The following ITGB2 variants were observed in gnomAD, a reference collection of about 807,000 sequenced individuals.
The protein encoded by ITGB2 is integrin beta-2.
ITGB2 carries 56 observed loss-of-function variants against 86.8 expected under a neutral mutation model. That is an observed-to-expected ratio of 0.65 (90% CI 0.52 to 0.81). The LOEUF (loss-of-function observed/expected upper bound fraction) is 0.81. Ranked by LOEUF, ITGB2 falls within the 30% of genes least tolerant of loss-of-function variation. ITGB2 has a pLI of 0.00. For missense variants in ITGB2, 948 were observed against 1,061.2 expected (o/e 0.89, Z 1.48); for synonymous variants, 457 against 450.4 (o/e 1.01, Z -0.19).
intron 1 of ITGB2, 59 bp downstream of exon 1, chr21:44,920,762 C>T: frequency 6.6e-6 from 1 of 152,562 alleles, no homozygotes; most frequent in South Asian, 2.1e-4. Context: ...CAGGCTGGGG[C>T]AGGAGAGTGC....
Position 44,910,501 on chromosome 21 carries a change from A to G in ITGB2, c.59-129T>C, listed in dbSNP as rs1387609015. On this transcript the variant is annotated intron_variant, in intron 2 of 15. Transcript: ENST00000652462. ...GGCAGCCTCCAGGAGGAGACCCCGC[A>G]TTCGCCACCACCCCCAGGTGCAAAG... 15 of 1,543,468 alleles carry G rather than the reference A, an allele frequency of 9.7e-6. No individual in the cohort carries two copies. The East Asian group carries it at 3.1e-4, about 32-fold the overall frequency.
intron 1 of ITGB2, chr21:44,928,495 G>A (rs1016134626): frequency 1.7e-4 from 26 of 152,584 alleles, no homozygotes; most frequent in African/African-American, 5.8e-4. Context: ...GGGAGATAAT[G>A]CCCTCATCTA....
chr21:44,894,621 G>C, intron 9 of ITGB2: 1 of 369,844 alleles, frequency 2.7e-6, no homozygotes, highest in Non-Finnish European at 5.2e-6. Context: ...CCACTGTGGG[G>C]GTTTCCTGTG....
Position 44,886,320 on chromosome 21 carries a change from TG to T in ITGB2, c.*47del. Reference sequence around the variant, plus strand: ...GGCAAGCCATGTCTCGGCCGCGTGATGGGGCAGACATGGTGGGTCCTGACGG... The same window carrying T: ...GGCAAGCCATGTCTCGGCCGCGTGATGGGCAGACATGGTGGGTCCTGACGG... On this transcript the variant is annotated 3_prime_UTR_variant, in exon 16 of 16. Transcript: ENST00000652462. The T allele has an allele frequency of 6.6e-7, 1 of 1,518,378 alleles. No homozygotes were observed. The highest frequency in any genetic ancestry group is 9.1e-7 in the Non-Finnish European group (1 of 1,092,906). The allele number at this position is 1,518,378 out of a possible 1,614,324, so 94.1% of individuals were successfully genotyped here.
In ITGB2 at chr21:44,888,853, C is replaced by G; in HGVS notation, c.1920G>C (p.Gly640=). ...CCGGACACGCCGCGCTGCAGTTCTT[C>G]CCAAAGGGGCCCTTTTCGAACTTCA... The part of the protein sequence containing the change: ...ECLKFEKGPF[G]KNCSAACPGL... The change falls in exon 14 of 16, where the codon GGG becomes GGC. Residue 640 remains glycine (G), a synonymous_variant. Transcript: ENST00000652462. 1 of 1,609,166 alleles carries G rather than the reference C, an allele frequency of 6.2e-7. No individual in the cohort carries two copies.
At chr21:44,897,932 C>A (rs2083893022) in intron 8 of ITGB2, among the ~76,000 whole-genome samples, 1 of 152,204 alleles carries the variant, frequency 6.6e-6, no homozygotes, top group Admixed American at 6.5e-5. Context: ...CCCTGTTACA[C>A]AGTCAGGGCT....
At chr21:44,911,546 C>T (rs1167592790) in intron 1 of ITGB2, 1 of 152,600 alleles carries the variant, frequency 6.6e-6, no homozygotes, top group African/African-American at 2.4e-5. Context: ...AGAAAGCTGG[C>T]TTGATGCCCG....
chr21:44,920,436 C>T (rs1189658375), intron 1 of ITGB2, among the ~76,000 whole-genome samples: 6 of 152,174 alleles, frequency 3.9e-5, no homozygotes, highest in Non-Finnish European at 8.8e-5. Context: ...CACAGGCAGG[C>T]GCAGCAGGTT....
At chr21:44,911,792 T>C (rs1341068585) in intron 1 of ITGB2, among the ~76,000 whole-genome samples, 1 of 152,174 alleles carries the variant, frequency 6.6e-6, no homozygotes, top group Admixed American at 6.5e-5. Context: ...AGCCTGGTGC[T>C]GGAGGCCGGC....
Position 44,907,057 on chromosome 21 carries a change from G to T in ITGB2, c.186C>A (p.Cys62Ter), listed in dbSNP as rs778074755. Reference protein sequence around the residue: ...TGPGDPDSIRCDTRPQLLMRG... With the variant: ...TGPGDPDSIR ...TCATGAGCAGCTGTGGCCGGGTGTCGCAGCGAATGGAGTCAGGATCCCCCG... is the reference window on the plus strand; with the variant it reads ...TCATGAGCAGCTGTGGCCGGGTGTCTCAGCGAATGGAGTCAGGATCCCCCG... The change falls in exon 4 of 16, where the codon TGC becomes TGA. Residue 62 changes from cysteine (C) to a stop codon, truncating the protein, a stop_gained. Transcript: ENST00000652462. LOFTEE classifies it high-confidence loss of function. The T allele has an allele frequency of 6.2e-7, 1 of 1,610,582 alleles. No individual in the cohort carries two copies. The highest frequency in any genetic ancestry group is 1.3e-5 in the African/African-American group (1 of 74,988).
rs770417369 is a variant in ITGB2 at position 44,890,008 on chromosome 21, G to A, written c.1627C>T (p.Arg543Cys). 6 of 1,613,362 alleles carry A rather than the reference G, an allele frequency of 3.7e-6. No homozygotes were observed. In the South Asian group the frequency reaches 4.4e-5, roughly 12 times the overall value. The change falls in exon 12 of 16, where the codon CGC (arginine) becomes TGC (cysteine). Residue 543 changes from arginine to cysteine, a missense_variant. Physicochemically the swap from Arg to Cys is radical, Grantham distance 180 (BLOSUM62 -3). Coordinates refer to ENST00000652462, the MANE Select transcript of ITGB2 (RefSeq NM_000211.5). ...CCGCCGCAGACCTGGCCGTTGTAGC[G>A]CTCACAGTTGATGGTGTCACACTCG... ...YCECDTINCERYNGQVCGGPG... is the reference protein window; with the variant it reads ...YCECDTINCECYNGQVCGGPG...
chr21:44,918,018 G>C lies in ITGB2; in HGVS notation c.-4+2803C>G, dbSNP rs185047096. Reference sequence around the variant, plus strand: ...ACCACCTAATCAATGCCCCGTGTCAGTGCCAGTTTGTGCCAAGCAGAATGG... The same window carrying C: ...ACCACCTAATCAATGCCCCGTGTCACTGCCAGTTTGTGCCAAGCAGAATGG... On this transcript the variant is annotated intron_variant, in intron 1 of 15. Coordinates refer to ENST00000652462, the MANE Select transcript of ITGB2 (RefSeq NM_000211.5). 2.6e-4 allele frequency among the ~76,000 whole-genome samples: 39 copies of C among 152,356 alleles called. 1 individual carries two copies. The East Asian group carries it at 6.6e-3, about 26-fold the overall frequency.
At chr21:44,906,804 G>C in intron 4 of ITGB2, 111 bp downstream of exon 4, 1 of 1,197,456 alleles carries the variant, frequency 8.4e-7, no homozygotes. Context: ...CGTCCGACCC[G>C]GACACATGCC....
At position 44,910,265 on chromosome 21, in the gene ITGB2, G is replaced by A. The variant is rs1291637266; in HGVS notation, c.147+19C>T. 2 of 1,612,162 alleles carry A rather than the reference G, an allele frequency of 1.2e-6. No individual in the cohort carries two copies. Among genetic ancestry groups the A allele is most frequent in the Non-Finnish European group, 8.5e-7 (1 of 1,179,142 alleles). Reference sequence around the variant, plus strand: ...ACCCAGGAGCTGGGCAGGTGGGGAGGGGTCCAGGAGGCACTTACCAGCTTC... The same window carrying A: ...ACCCAGGAGCTGGGCAGGTGGGGAGAGGTCCAGGAGGCACTTACCAGCTTC... On this transcript the variant is annotated intron_variant, in intron 3 of 15. Coordinates refer to ENST00000652462, the MANE Select transcript of ITGB2 (RefSeq NM_000211.5).
intron 1 of ITGB2, among the ~76,000 whole-genome samples, chr21:44,916,126 T>C (rs2084205972): frequency 6.6e-6 from 1 of 152,160 alleles, no homozygotes; most frequent in Non-Finnish European, 1.5e-5. Context: ...TTTCACCATA[T>C]TGGCCAGGCT....
chr21:44,927,858 A>G (rs557666450), intron 1 of ITGB2: 1 of 152,398 alleles, frequency 6.6e-6, no homozygotes, highest in South Asian at 2.1e-4. Context: ...CCACAGATCC[A>G]TACAAACAGG....
intron 1 of ITGB2, among the ~76,000 whole-genome samples, chr21:44,914,604 G>A (rs891944850): frequency 6.6e-5 from 10 of 152,142 alleles, no homozygotes; most frequent in Admixed American, 5.9e-4. Flanking sequence ...CACAGAAGTC[G>A]AGGACAGGAG....
At position 44,902,767 on chromosome 21, in the gene ITGB2, C is replaced by A. The variant is rs118019129; in HGVS notation, c.499+598G>T. Among the ~76,000 whole-genome samples, 139 of 151,108 alleles carry A rather than the reference C, an allele frequency of 9.2e-4. 2 individuals are homozygous for A. The East Asian group carries it at 0.027, about 29-fold the overall frequency. ...GCGTGCATTCACGTGCATGAGCGTG[C>A]ATTTGTGTGTGAGCGTGCATTTGTG... On this transcript the variant is annotated intron_variant, in intron 5 of 15. Coordinates refer to ENST00000652462, the MANE Select transcript of ITGB2 (RefSeq NM_000211.5).
chr21:44,901,164 C>T (rs570959439), intron 6 of ITGB2, among the ~76,000 whole-genome samples: 44 of 152,340 alleles, frequency 2.9e-4, no homozygotes, highest in African/African-American at 1.0e-3. Context: ...ACCCCAGGAA[C>T]CACGGGACCT....
Sources: gnomAD v4.1 joint callset for allele counts (sites outside exome capture counted in the v4.1 genomes callset) on GRCh38, gnomAD v4.1.1 for gene constraint, MANE v1.5 for transcripts, NCBI Gene and HGNC (gene_info 2026-07-23, HGNC 2026-07-21) for gene names.